The following VBP1 variants were observed in gnomAD, a reference collection of about 807,000 sequenced individuals.
VBP1 encodes the protein prefoldin subunit 3.
A neutral mutation model predicts 15.5 loss-of-function variants in VBP1; 4 were observed. That is an observed-to-expected ratio of 0.26 (90% CI 0.13 to 0.59). The LOEUF is 0.59. Ranked by LOEUF, VBP1 falls within the 20% of genes least tolerant of loss-of-function variation. The pLI, the probability that VBP1 is intolerant of heterozygous loss-of-function variation, is 0.90. For missense variants in VBP1, 108 were observed against 139.6 expected (o/e 0.77, Z 1.14); for synonymous variants, 61 against 52.1 (o/e 1.17, Z -0.74).
chrX:155,202,290 G>A (rs1369453225), intron 1 of VBP1, among the ~76,000 whole-genome samples: 15 of 111,089 alleles, frequency 1.4e-4, no homozygotes, highest in African/African-American at 1.3e-4. Context: ...AAAAGAGCCC[G>A]CATTGCCAAG....
intron 2 of VBP1, among the ~76,000 whole-genome samples, chrX:155,224,421 G>A (rs905724461): frequency 8.0e-5 from 9 of 112,939 alleles, no homozygotes; most frequent in South Asian, 3.6e-4. Flanking sequence ...CCAACACAGC[G>A]AAACCCTGTC....
intron 2 of VBP1, among the ~76,000 whole-genome samples, chrX:155,224,971 A>G (rs782019152): frequency 2.7e-5 from 3 of 111,452 alleles, no homozygotes; most frequent in African/African-American, 9.8e-5. Context: ...TAAGATTTTT[A>G]TAGCTGGTAG....
At chrX:155,200,252 A>G (rs1420752603) in intron 1 of VBP1, among the ~76,000 whole-genome samples, 5 of 106,843 alleles carry the variant, frequency 4.7e-5, no homozygotes, top group Non-Finnish European at 7.7e-5. Context: ...CTCTGCACCA[A>G]GCGGACCTAA....
At chrX:155,229,500 A>ATCTGTTTTCAGTACCTATCATGTTC (rs1557310591) in intron 4 of VBP1, among the ~76,000 whole-genome samples, 4 of 111,717 alleles carry the variant, frequency 3.6e-5, no homozygotes, top group Non-Finnish European at 3.8e-5. Context: ...GATCTCCTTT[A>ATCTGTTTTCAGTACCTATCATGTTC]TCTGTTTTCA....
Position 155,239,035 on chromosome X carries a change from T to A in VBP1, c.*193T>A. 3.0e-6 allele frequency: 1 copy of A among 328,076 alleles called. No homozygotes were observed. Among genetic ancestry groups the A allele is most frequent in the Non-Finnish European group, 5.2e-6 (1 of 193,559 alleles). The allele number at this position is 328,076 out of a possible 1,213,427, so 27.0% of individuals were successfully genotyped here. A position where few individuals can be genotyped will look rare whatever the true frequency, so the allele number is the denominator to read the frequency against. On this transcript the variant is annotated 3_prime_UTR_variant, in exon 6 of 6. Coordinates refer to ENST00000286428, the MANE Select transcript of VBP1 (RefSeq NM_003372.7). ...ACATTGTGATTTTTTTTTCCACATT[T>A]CTCAGCAAAGCTAATGGTATTTTAA...
intron 5 of VBP1, among the ~76,000 whole-genome samples, chrX:155,237,117 G>A (rs949530849): frequency 1.8e-5 from 2 of 111,894 alleles, no homozygotes; most frequent in East Asian, 2.8e-4. Context: ...TAAAGGCGGC[G>A]TAGGGTTTAA....
In VBP1 at chrX:155,221,114, T is replaced by C. The variant is rs1334459427; in HGVS notation, c.218+807T>C. Among the ~76,000 whole-genome samples, 17 of 111,440 alleles carry C rather than the reference T, an allele frequency of 1.5e-4. No individual in the cohort carries two copies. The Admixed American group carries it at 1.6e-3, about 11-fold the overall frequency. ...GGGAGGCTGAGGTGGGCAGATTGCC[T>C]GAGCTCAGGAGTTTGAAACCACCCT... On this transcript the variant is annotated intron_variant, in intron 2 of 5. Transcript: ENST00000286428.
At chrX:155,212,932 T>C (rs1254414888), upstream of VBP1, 1 of 112,260 alleles carries the variant, frequency 8.9e-6, no homozygotes, top group East Asian at 2.8e-4. Context: ...TCCTCTCTTG[T>C]ATAAACAGAG....
At chrX:155,211,332 A>G (rs782211535) in intron 2 of VBP1, among the ~76,000 whole-genome samples, 1 of 112,324 alleles carries the variant, frequency 8.9e-6, no homozygotes, top group East Asian at 2.8e-4. Context: ...CACATTGTAC[A>G]TGCTCCACAA....
chrX:155,215,298 TC>T (rs1557308907), upstream of VBP1, among the ~76,000 whole-genome samples: 1 of 111,280 alleles, frequency 9.0e-6, no homozygotes, highest in African/African-American at 3.3e-5. Context: ...TATACTTTTC[TC>T]TCCAGGAACA....
At chrX:155,198,374 C>G (rs2074586929) in intron 1 of VBP1, among the ~76,000 whole-genome samples, 1 of 111,903 alleles carries the variant, frequency 8.9e-6, no homozygotes, top group Admixed American at 9.4e-5. Context: ...TAGGGGCAGA[C>G]TGACACCTCA....
chrX:155,224,409 G>A (rs1164348684), intron 2 of VBP1, among the ~76,000 whole-genome samples: 2 of 95,162 alleles, frequency 2.1e-5, no homozygotes, highest in African/African-American at 3.9e-5. Flanking sequence ...AGACCAGCCC[G>A]GCCAACACAG....
chrX:155,228,829 CT>C (rs1557310540), intron 4 of VBP1, among the ~76,000 whole-genome samples: 1 of 112,058 alleles, frequency 8.9e-6, no homozygotes, highest in African/African-American at 3.2e-5. Context: ...ATAGAAGGTA[CT>C]GCTGAACTTT....
chrX:155,230,238 G>A (rs782683735), intron 4 of VBP1, among the ~76,000 whole-genome samples: 2 of 111,188 alleles, frequency 1.8e-5, no homozygotes, highest in South Asian at 3.8e-4. Context: ...TGTGATCTCC[G>A]CCTTCATCTT....
intron 1 of VBP1, among the ~76,000 whole-genome samples, chrX:155,197,966 A>G (rs200661551): frequency 8.9e-6 from 1 of 112,384 alleles, no homozygotes; most frequent in African/African-American, 3.2e-5. Flanking sequence ...TATCCTGCAC[A>G]TGGCTTGGAG....
In VBP1 at chrX:155,238,635, C is replaced by T. The variant is rs1175139507; in HGVS notation, c.524-137C>T. Reference sequence around the variant, plus strand: ...ATTGACATTATAGCAGGATGTCTTACAATACTATTTGTTACCAGTATTTGT... The same window carrying T: ...ATTGACATTATAGCAGGATGTCTTATAATACTATTTGTTACCAGTATTTGT... On this transcript the variant is annotated intron_variant, in intron 5 of 5. Transcript: ENST00000286428. 8.9e-6 allele frequency: 4 copies of T among 447,866 alleles called. No homozygotes were observed. In the East Asian group the frequency reaches 1.6e-4, roughly 18 times the overall value. 36.9% of individuals were successfully genotyped at this position (447,866 alleles called of 1,213,427 possible). A position where few individuals can be genotyped will look rare whatever the true frequency, so the allele number is the denominator to read the frequency against.
intron 2 of VBP1, among the ~76,000 whole-genome samples, chrX:155,221,062 G>A (rs188912831): frequency 5.4e-5 from 6 of 110,799 alleles, no homozygotes; most frequent in East Asian, 5.7e-4. Flanking sequence ...TGGGCCCGGC[G>A]GCTCGCACCT....
At chrX:155,224,763 T>C (rs1056857240) in intron 2 of VBP1, among the ~76,000 whole-genome samples, 22 of 112,858 alleles carry the variant, frequency 1.9e-4, no homozygotes, top group African/African-American at 7.1e-4. Context: ...TATCTTTCTT[T>C]AATTGGAAAT....
intron 1 of VBP1, among the ~76,000 whole-genome samples, chrX:155,204,773 G>A (rs1205815173): frequency 8.9e-6 from 1 of 112,018 alleles, no homozygotes; most frequent in African/African-American, 3.2e-5. Context: ...GTATTAATAT[G>A]GTTTAGTTTA....
Sources: allele counts gnomAD v4.1 joint callset (sites outside exome capture counted in the v4.1 genomes callset), GRCh38; gene constraint gnomAD v4.1.1; transcripts MANE v1.5; gene names NCBI Gene and HGNC (gene_info 2026-07-23, HGNC 2026-07-21).